The following ANKRD36 variants were observed in gnomAD, a reference collection of about 807,000 sequenced individuals.
The protein encoded by ANKRD36 is ankyrin repeat domain 36.
Under a neutral mutation model 278.1 loss-of-function variants are expected in ANKRD36, and 179 were observed. That is an observed-to-expected ratio of 0.64 (90% CI 0.57 to 0.73). The LOEUF (loss-of-function observed/expected upper bound fraction) is 0.73. ANKRD36 is among the 30% of genes least tolerant of loss of function. The pLI is 0.00. For missense variants in ANKRD36, 1,159 were observed against 1,956.7 expected (o/e 0.59, Z 7.69); for synonymous variants, 320 against 641.1 (o/e 0.50, Z 7.57).
At chr2:97,174,661 T>C (rs1161824653) in intron 22 of ANKRD36, among the ~76,000 whole-genome samples, 1 of 151,700 alleles carries the variant, frequency 6.6e-6, no homozygotes, top group Non-Finnish European at 1.5e-5. Flanking sequence ...TCCAACACTA[T>C]GTTGAATAGG....
intron 48 of ANKRD36, among the ~76,000 whole-genome samples, chr2:97,202,699 G>A (rs1285031354): frequency 6.6e-6 from 1 of 151,808 alleles, no homozygotes; most frequent in Non-Finnish European, 1.5e-5. Context: ...TTTTCAGTAA[G>A]GGTGGAAGGA....
chr2:97,196,565 C>G (rs778174596), intron 40 of ANKRD36, 28 bp from the exon 41 acceptor site: 9 of 1,603,964 alleles, frequency 5.6e-6, no homozygotes, highest in Admixed American at 1.7e-5. Flanking sequence ...TTATGTATGA[C>G]TGATTATGAA....
intron 46 of ANKRD36, among the ~76,000 whole-genome samples, chr2:97,201,349 G>A (rs1039453729): frequency 3.3e-5 from 5 of 151,814 alleles, no homozygotes; most frequent in Non-Finnish European, 7.4e-5. Flanking sequence ...TGCCTACAAG[G>A]GTATTCTAGA....
chr2:97,175,179 T>A (rs1575347863), intron 22 of ANKRD36, among the ~76,000 whole-genome samples: 1 of 150,140 alleles, frequency 6.7e-6, no homozygotes, highest in Admixed American at 6.7e-5. Flanking sequence ...TTCTATTGAT[T>A]GGAATAGTTT....
At chr2:97,230,325 C>G (rs1398123286) in intron 67 of ANKRD36, among the ~76,000 whole-genome samples, 8 of 152,030 alleles carry the variant, frequency 5.3e-5, no homozygotes, top group Non-Finnish European at 1.0e-4. Context: ...TTCTTGGAGG[C>G]TTTGTTTGTT....
rs1298194525 is a variant in ANKRD36 at position 97,192,783 on chromosome 2, C to G, written c.2348-75C>G. On this transcript the variant is annotated intron_variant, in intron 36 of 75. Transcript: ENST00000420699. The stretch of plus-strand genomic sequence containing the variant: ...ACAGGCAGGAGAACAGAGGTTGATA[C>G]AAACACTTCATGAATGTATGGATAA... 5 of 1,525,482 alleles carry G rather than the reference C, an allele frequency of 3.3e-6. No homozygotes were observed. In the African/African-American group the frequency reaches 4.1e-5, roughly 13 times the overall value. 94.5% of individuals were successfully genotyped at this position (1,525,482 alleles called of 1,614,324 possible).
At position 97,187,329 on chromosome 2, in the gene ANKRD36, G is replaced by T; in HGVS notation, c.2071G>T (p.Ala691Ser). ...TTATTTTCTTTCAAATTCCATTCAG[G>T]CTACAACTGACGAGGAAGACTCTGT... Reference protein sequence around the residue: ...VSSQKQPALKATTDEEDSVSN... With the variant: ...VSSQKQPALKSTTDEEDSVSN... Residue 691 changes from alanine (A) to serine (S), a missense_variant and splice_region_variant, in exon 32 of 76, where the codon GCT (alanine) becomes TCT (serine). Coordinates refer to ENST00000420699, the MANE Select transcript of ANKRD36 (RefSeq NM_001354587.1). 1 of 1,606,608 alleles carries T rather than the reference G, an allele frequency of 6.2e-7. No homozygotes were observed. Among genetic ancestry groups the T allele is most frequent in the South Asian group, 1.1e-5 (1 of 90,030 alleles).
At chr2:97,222,688 A>C in intron 66 of ANKRD36, among the ~76,000 whole-genome samples, 1 of 152,136 alleles carries the variant, frequency 6.6e-6, no homozygotes, top group Non-Finnish European at 1.5e-5. Flanking sequence ...GAGGGAAAGG[A>C]ACACAAATTT....
chr2:97,221,237 T>C (rs1376425953), intron 66 of ANKRD36, among the ~76,000 whole-genome samples: 1 of 118,070 alleles, frequency 8.5e-6, no homozygotes, highest in African/African-American at 4.4e-5. Context: ...GCAATAAACA[T>C]ACGTGTGCAT....
chr2:97,232,032 T>C (rs2072312982), intron 67 of ANKRD36, among the ~76,000 whole-genome samples: 1 of 151,850 alleles, frequency 6.6e-6, no homozygotes, highest in South Asian at 2.1e-4. Flanking sequence ...AAATTAAAGT[T>C]TCATGGTTTA....
At chr2:97,142,936 G>T (rs1405014444) in intron 8 of ANKRD36, 101 bp downstream of exon 8, 46 of 1,379,342 alleles carry the variant, frequency 3.3e-5, no homozygotes, top group South Asian at 1.8e-4. Flanking sequence ...TGCACATTCT[G>T]ATTCAGCAGG....
chr2:97,198,242 C>T (rs1415802899), intron 42 of ANKRD36, among the ~76,000 whole-genome samples: 1 of 151,904 alleles, frequency 6.6e-6, no homozygotes, highest in Non-Finnish European at 1.5e-5. Flanking sequence ...TATGACAAAT[C>T]ATACCATGTT....
chr2:97,185,190 A>G, intron 28 of ANKRD36, 126 bp from the exon 29 acceptor site: 2 of 1,324,556 alleles, frequency 1.5e-6, no homozygotes, highest in East Asian at 2.4e-5. Context: ...CAGTCCCCAG[A>G]CACAAAAATC....
chr2:97,205,589 A>AC (rs1231814725), intron 50 of ANKRD36, among the ~76,000 whole-genome samples: 1 of 151,486 alleles, frequency 6.6e-6, no homozygotes, highest in African/African-American at 2.4e-5. Context: ...ATCATGTAGC[A>AC]CCTGCTTTGA....
intron 6 of ANKRD36, among the ~76,000 whole-genome samples, chr2:97,134,853 C>T (rs2041080046): frequency 6.6e-6 from 1 of 152,044 alleles, no homozygotes; most frequent in African/African-American, 2.4e-5. Context: ...GACAAGGAAA[C>T]AAGACTCAGA....
At chr2:97,181,052 T>C (rs2056060658) in intron 24 of ANKRD36, among the ~76,000 whole-genome samples, 3 of 151,694 alleles carry the variant, frequency 2.0e-5, no homozygotes, top group Admixed American at 6.6e-5. Context: ...ATGAATATTA[T>C]CTACTAGATT....
At chr2:97,175,342 G>T (rs1259209182) in intron 22 of ANKRD36, among the ~76,000 whole-genome samples, 2 of 150,910 alleles carry the variant, frequency 1.3e-5, no homozygotes, top group Non-Finnish European at 3.0e-5. Context: ...ACTTCTTCCT[G>T]GTTTAGTCTT....
chr2:97,135,749 C>G (rs2153436782), intron 6 of ANKRD36, among the ~76,000 whole-genome samples: 1 of 151,842 alleles, frequency 6.6e-6, no homozygotes, highest in East Asian at 1.9e-4. Context: ...CGATTCACAT[C>G]TTGGGCAGAC....
intron 67 of ANKRD36, among the ~76,000 whole-genome samples, chr2:97,225,769 TC>T (rs1465653331): frequency 2.3e-5 from 3 of 131,902 alleles, no homozygotes; most frequent in Non-Finnish European, 4.8e-5. Flanking sequence ...ATGCTATCCC[TC>T]CCCCCTCCCC....
Sources: allele counts gnomAD v4.1 joint callset (sites outside exome capture counted in the v4.1 genomes callset), GRCh38; gene constraint gnomAD v4.1.1; transcripts MANE v1.5; gene names NCBI Gene and HGNC (gene_info 2026-07-23, HGNC 2026-07-21).